GALNT13: variants seen among roughly 807,000 people sequenced by gnomAD.
The protein encoded by GALNT13 is polypeptide N-acetylgalactosaminyltransferase 13.
A neutral mutation model predicts 64.2 loss-of-function variants in GALNT13; 28 were observed. That is an observed-to-expected ratio of 0.44 (90% confidence interval 0.32 to 0.60). The LOEUF is 0.60. GALNT13 is among the 20% of genes least tolerant of loss of function. The pLI is 0.05. For synonymous variants in GALNT13, 214 were observed against 224.6 expected (o/e 0.95, Z 0.42); for missense variants, 577 against 669.8 (o/e 0.86, Z 1.53).
At chr2:153,678,354 A>G in the GALNT13 span, among the ~76,000 whole-genome samples, 1 of 152,114 alleles carries the variant, frequency 6.6e-6, no homozygotes, top group Non-Finnish European at 1.5e-5. Flanking sequence ...GCCGTAAAAA[A>G]GAACAAGATC....
At chr2:154,371,481 G>A (rs567837455) in intron 9 of GALNT13, among the ~76,000 whole-genome samples, 1 of 151,978 alleles carries the variant, frequency 6.6e-6, no homozygotes, top group African/African-American at 2.4e-5. Flanking sequence ...AGTTTTGATT[G>A]TATTTTTAAT....
the GALNT13 span, among the ~76,000 whole-genome samples, chr2:153,087,630 T>G: frequency 6.6e-6 from 1 of 152,158 alleles, no homozygotes; most frequent in African/African-American, 2.4e-5. Context: ...ATTGGCTATT[T>G]TTTTTATTGC....
chr2:153,843,959 G>A, the GALNT13 span, among the ~76,000 whole-genome samples: 1 of 152,164 alleles, frequency 6.6e-6, no homozygotes, highest in East Asian at 1.9e-4. Flanking sequence ...GGCTTTGCAG[G>A]GGCACCCTGT....
chr2:153,428,065 C>T, the GALNT13 span, among the ~76,000 whole-genome samples: 1 of 152,132 alleles, frequency 6.6e-6, no homozygotes, highest in African/African-American at 2.4e-5. Context: ...AATACAGAGT[C>T]AAGGATGATC....
At chr2:153,527,490 T>G in the GALNT13 span, among the ~76,000 whole-genome samples, 2 of 152,130 alleles carry the variant, frequency 1.3e-5, no homozygotes, top group African/African-American at 4.8e-5. Context: ...TCTGAGGGAT[T>G]TCATCATCAC....
chr2:153,070,250 T>C, the GALNT13 span, among the ~76,000 whole-genome samples: 1 of 152,194 alleles, frequency 6.6e-6, no homozygotes, highest in South Asian at 2.1e-4. Flanking sequence ...CCATATGGCA[T>C]TTGGAAAAGG....
chr2:154,033,081 T>C (rs1698443525), intron 3 of GALNT13, among the ~76,000 whole-genome samples: 3 of 151,832 alleles, frequency 2.0e-5, no homozygotes, highest in Non-Finnish European at 4.4e-5. Flanking sequence ...GAAAATTCAA[T>C]AGAGAAATGT....
At chr2:153,605,172 A>T in the GALNT13 span, among the ~76,000 whole-genome samples, 1 of 152,072 alleles carries the variant, frequency 6.6e-6, no homozygotes, top group Non-Finnish European at 1.5e-5. Flanking sequence ...GAAAATTCCA[A>T]ATAGCTTTTT....
At chr2:154,038,472 G>A (rs1285763851) in intron 3 of GALNT13, among the ~76,000 whole-genome samples, 1 of 152,022 alleles carries the variant, frequency 6.6e-6, no homozygotes, top group Non-Finnish European at 1.5e-5. Context: ...TGCATTTATA[G>A]CCAACTGAAT....
At chr2:154,338,555 T>C (rs1559098827) in intron 9 of GALNT13, among the ~76,000 whole-genome samples, 1 of 152,078 alleles carries the variant, frequency 6.6e-6, no homozygotes, top group Admixed American at 6.6e-5. Flanking sequence ...TGACACACCA[T>C]GCAGGGCCAC....
chr2:153,590,193 A>G, the GALNT13 span, among the ~76,000 whole-genome samples: 1 of 152,138 alleles, frequency 6.6e-6, no homozygotes, highest in African/African-American at 2.4e-5. Context: ...ACATTATCAG[A>G]GACTATTATG....
intron 9 of GALNT13, among the ~76,000 whole-genome samples, chr2:154,379,871 A>G (rs186654129): frequency 2.2e-3 from 331 of 152,172 alleles, no homozygotes; most frequent in Non-Finnish European, 3.3e-3. Flanking sequence ...ACTGAACCCC[A>G]TGAAAATATT....
At position 153,921,651 on chromosome 2, in the gene GALNT13, A is replaced by G. The variant is rs187859902; in HGVS notation, c.-105+20644A>G. Among the ~76,000 whole-genome samples the G allele has an allele frequency of 2.5e-3, 378 of 152,258 alleles. 1 individual carries two copies. Among genetic ancestry groups the G allele is most frequent in the Non-Finnish European group, 3.0e-3 (207 of 68,002 alleles). On this transcript the variant is annotated intron_variant, in intron 2 of 12. Coordinates refer to ENST00000392825, the MANE Select transcript of GALNT13 (RefSeq NM_052917.4). ...ATAATAATAAAAAAGAATGCTTAAGAGTTTATGTAAGAGTAAGGGAGATAG... is the reference window on the plus strand; with the variant it reads ...ATAATAATAAAAAAGAATGCTTAAGGGTTTATGTAAGAGTAAGGGAGATAG...
At chr2:153,922,015 A>G (rs17439212) in intron 2 of GALNT13, among the ~76,000 whole-genome samples, 30,661 of 152,118 alleles carry the variant, frequency 0.2, 4,054 homozygotes, top group Middle Eastern at 0.33. Flanking sequence ...AATTAAAATG[A>G]CATATAGAAA....
chr2:154,081,973 T>C (rs1261574117), intron 3 of GALNT13, among the ~76,000 whole-genome samples: 1 of 151,700 alleles, frequency 6.6e-6, no homozygotes. Context: ...TCTTCTAAAA[T>C]AGCATAGCTT....
At chr2:154,365,561 A>T (rs554569835) in intron 9 of GALNT13, among the ~76,000 whole-genome samples, 1 of 152,312 alleles carries the variant, frequency 6.6e-6, no homozygotes, top group African/African-American at 2.4e-5. Flanking sequence ...ATTAAGATTC[A>T]ATTTGGAAAC....
the GALNT13 span, among the ~76,000 whole-genome samples, chr2:153,482,718 G>A: frequency 1.3e-5 from 2 of 151,082 alleles, no homozygotes; most frequent in East Asian, 3.9e-4. Flanking sequence ...TGATCAGCCT[G>A]CCTTGGCCTC....
the GALNT13 span, among the ~76,000 whole-genome samples, chr2:153,080,251 G>A: frequency 5.9e-4 from 90 of 151,986 alleles, no homozygotes; most frequent in African/African-American, 1.9e-3. Flanking sequence ...TTTTTGGGGT[G>A]GGTAATTGAT....
the GALNT13 span, among the ~76,000 whole-genome samples, chr2:153,167,045 C>T: frequency 3.4e-3 from 521 of 152,322 alleles, 5 homozygotes; most frequent in African/African-American, 0.012. Flanking sequence ...TGTGCCTAGG[C>T]TCCTGACCCG....
Sources: gnomAD v4.1 joint callset for allele counts (sites outside exome capture counted in the v4.1 genomes callset) on GRCh38, gnomAD v4.1.1 for gene constraint, MANE v1.5 for transcripts, NCBI Gene and HGNC (gene_info 2026-07-23, HGNC 2026-07-21) for gene names.